The following MPPED2 variants were observed in gnomAD, a reference collection of about 807,000 sequenced individuals.
MPPED2 encodes the protein metallophosphoesterase MPPED2.
A neutral mutation model predicts 33.0 loss-of-function variants in MPPED2; 5 were observed. The ratio of observed to expected loss-of-function variants is 0.15; its 90% CI spans 0.08 to 0.32. The LOEUF (loss-of-function observed/expected upper bound fraction) is 0.32. MPPED2 is among the 10% of genes least tolerant of loss of function. The pLI, the probability that MPPED2 is intolerant of heterozygous loss-of-function variation, is 1.00. For missense variants in MPPED2, 275 were observed against 372.1 expected, an observed-to-expected ratio of 0.74 and a Z score of 2.15; for synonymous variants, 136 against 141.9, an observed-to-expected ratio of 0.96 and a Z score of 0.29.
At chr11:30,456,389 T>A (rs900170895) in intron 4 of MPPED2, among the ~76,000 whole-genome samples, 2 of 152,200 alleles carry the variant, frequency 1.3e-5, no homozygotes, top group Admixed American at 6.5e-5. Flanking sequence ...GAAGAGGGAC[T>A]GGTACCCAAC....
At chr11:30,582,371 T>C (rs1957207374) in intron 1 of MPPED2, among the ~76,000 whole-genome samples, 1 of 152,346 alleles carries the variant, frequency 6.6e-6, no homozygotes, top group Admixed American at 6.5e-5. Flanking sequence ...AGTTAGTGTT[T>C]GCATAAATTA....
chr11:30,522,417 CA>C (rs1303612742), intron 3 of MPPED2, among the ~76,000 whole-genome samples: 4 of 150,826 alleles, frequency 2.7e-5, no homozygotes, highest in Non-Finnish European at 4.4e-5. Context: ...CACACACACA[CA>C]CACACCTAGA....
intron 4 of MPPED2, among the ~76,000 whole-genome samples, chr11:30,464,144 G>A (rs1414322660): frequency 2.6e-5 from 4 of 152,046 alleles, no homozygotes; most frequent in African/African-American, 9.7e-5. Flanking sequence ...ACATCAGCTT[G>A]TTTAAGTTGA....
At chr11:30,504,853 G>A (rs1213469933) in intron 3 of MPPED2, 2 of 1,214,954 alleles carry the variant, frequency 1.6e-6, no homozygotes, top group South Asian at 2.5e-5. Flanking sequence ...ATTAAACACA[G>A]AAAACTATAT....
At chr11:30,519,946 A>G (rs1349618266) in intron 3 of MPPED2, among the ~76,000 whole-genome samples, 2 of 152,154 alleles carry the variant, frequency 1.3e-5, no homozygotes, top group Non-Finnish European at 2.9e-5. Flanking sequence ...ACTTCCTAAC[A>G]TTGTTCTCAA....
chr11:30,512,782 C>A (rs910257676), intron 3 of MPPED2, among the ~76,000 whole-genome samples: 3 of 152,172 alleles, frequency 2.0e-5, no homozygotes, highest in Non-Finnish European at 2.9e-5. Flanking sequence ...GGGCTGATCA[C>A]CCAAGGTCAG....
chr11:30,477,705 A>G (rs1341405631), intron 4 of MPPED2, among the ~76,000 whole-genome samples: 1 of 152,090 alleles, frequency 6.6e-6, no homozygotes, highest in Non-Finnish European at 1.5e-5. Context: ...TTTTGGTATT[A>G]ATGTCATGCT....
At chr11:30,476,507 C>T (rs1037691160) in intron 4 of MPPED2, among the ~76,000 whole-genome samples, 7 of 151,962 alleles carry the variant, frequency 4.6e-5, no homozygotes, top group African/African-American at 1.7e-4. Context: ...TCGAAGACTA[C>T]TGTTTCCTCA....
downstream of MPPED2, among the ~76,000 whole-genome samples, chr11:30,407,753 C>T (rs113091483): frequency 2.2e-3 from 337 of 152,160 alleles, 2 homozygotes; most frequent in African/African-American, 7.7e-3. Flanking sequence ...AGCCTGCAGT[C>T]GCAGCTACTC....
At chr11:30,484,693 T>C (rs1353158841) in intron 4 of MPPED2, among the ~76,000 whole-genome samples, 4 of 152,214 alleles carry the variant, frequency 2.6e-5, no homozygotes, top group African/African-American at 9.6e-5. Context: ...TATGTCTTCA[T>C]TTAACAGACG....
chr11:30,449,431 G>A (rs1477249148), intron 4 of MPPED2, among the ~76,000 whole-genome samples: 1 of 152,138 alleles, frequency 6.6e-6, no homozygotes, highest in Non-Finnish European at 1.5e-5. Flanking sequence ...CAGATTACTT[G>A]AGCCCAGGAG....
intron 6 of MPPED2, among the ~76,000 whole-genome samples, chr11:30,397,366 G>A (rs556061414): frequency 1.3e-5 from 2 of 152,070 alleles, no homozygotes; most frequent in Non-Finnish European, 2.9e-5. Context: ...CAGGTGGTAA[G>A]CATACTATAG....
intron 6 of MPPED2, among the ~76,000 whole-genome samples, chr11:30,403,369 G>C (rs552170758): frequency 6.6e-6 from 1 of 152,144 alleles, no homozygotes; most frequent in Non-Finnish European, 1.5e-5. Context: ...ATTAGACATA[G>C]CATCATTGAG....
intron 2 of MPPED2, among the ~76,000 whole-genome samples, chr11:30,565,605 C>T (rs1284844980): frequency 1.3e-5 from 2 of 152,084 alleles, no homozygotes; most frequent in Non-Finnish European, 1.5e-5. Flanking sequence ...TATACAACAC[C>T]TTCCTTAGTA....
downstream of MPPED2, chr11:30,410,087 T>C (rs939953401): frequency 1.9e-5 from 19 of 983,298 alleles, no homozygotes; most frequent in African/African-American, 3.5e-5. Context: ...GTAATAAAAA[T>C]TTATTGAAAA....
intron 6 of MPPED2, among the ~76,000 whole-genome samples, chr11:30,399,589 C>T (rs1947883342): frequency 6.6e-6 from 1 of 152,116 alleles, no homozygotes; most frequent in Non-Finnish European, 1.5e-5. Flanking sequence ...CTTTTATGAA[C>T]AGATTAACAT....
At position 30,411,126 on chromosome 11, in the gene MPPED2, T is replaced by C; in HGVS notation, c.*342A>G. On this transcript the variant is annotated 3_prime_UTR_variant, in exon 7 of 7. Coordinates refer to ENST00000358117, the MANE Select transcript of MPPED2 (RefSeq NM_001584.3). ...GGTTTTTAAAACACTGCCTGTTTCT[T>C]ATTTTTTTTTCTTTCAGCTTAAAGC... 1.0e-6 allele frequency: 1 copy of C among 995,656 alleles called. No individual in the cohort carries two copies. The highest frequency in any genetic ancestry group is 1.7e-5 in the African/African-American group (1 of 57,814). The allele number at this position is 995,656 out of a possible 1,614,324, so 61.7% of individuals were successfully genotyped here. A position where few individuals can be genotyped will look rare whatever the true frequency, so the allele number is the denominator to read the frequency against.
intron 5 of MPPED2, among the ~76,000 whole-genome samples, chr11:30,417,006 C>A (rs1050271950): frequency 5.9e-5 from 9 of 152,158 alleles, no homozygotes; most frequent in African/African-American, 2.2e-4. Context: ...AGTGTAAGTT[C>A]TTACTGAAAT....
intron 3 of MPPED2, among the ~76,000 whole-genome samples, chr11:30,497,802 C>T (rs1952350476): frequency 1.3e-5 from 2 of 151,940 alleles, no homozygotes; most frequent in South Asian, 2.1e-4. Flanking sequence ...ATTTTGGAGA[C>T]TCAGCATAAA....
Sources: gnomAD v4.1 joint callset for allele counts (sites outside exome capture counted in the v4.1 genomes callset) on GRCh38, gnomAD v4.1.1 for gene constraint, MANE v1.5 for transcripts, NCBI Gene and HGNC (gene_info 2026-07-23, HGNC 2026-07-21) for gene names.